The following ULK4 variants were observed in gnomAD, a reference collection of about 807,000 sequenced individuals.
ULK4 encodes the protein inactive serine/threonine-protein kinase ULK4.
Under a neutral mutation model 160.6 loss-of-function variants are expected in ULK4, and 133 were observed. The observed-to-expected ratio is 0.83, with a 90% CI of 0.72 to 0.96. The LOEUF is 0.96. Ranked by LOEUF, ULK4 falls within the 40% of genes least tolerant of loss-of-function variation. The pLI is 0.00. For synonymous variants in ULK4, 534 were observed against 539.8 expected (o/e 0.99, Z 0.15); for missense variants, 1,580 against 1,499.5 (o/e 1.05, Z -0.89).
At position 41,755,815 on chromosome 3, in the gene ULK4, G is replaced by A. The variant is rs1034263780; in HGVS notation, c.2194-1327C>T. ...AACTGGCAAAATCTGAATAAGGTCT[G>A]TAGATTAGCTAACAATACTGAATCA... is the stretch of plus-strand genomic sequence containing the variant. On this transcript the variant is annotated intron_variant, in intron 21 of 36. Coordinates refer to ENST00000301831, the MANE Select transcript of ULK4 (RefSeq NM_017886.4). Among the ~76,000 whole-genome samples, 49 of 152,218 alleles carry A rather than the reference G, an allele frequency of 3.2e-4. 1 individual carries two copies. The highest frequency in any genetic ancestry group is 1.2e-3 in the African/African-American group (49 of 41,472).
intron 32 of ULK4, among the ~76,000 whole-genome samples, chr3:41,492,091 A>G (rs905467087): frequency 6.6e-6 from 1 of 151,244 alleles, no homozygotes; most frequent in African/African-American, 2.4e-5. Context: ...ATAGTATTCC[A>G]TGGTGTATAT....
At chr3:41,708,108 T>C (rs1159715240) in intron 25 of ULK4, among the ~76,000 whole-genome samples, 1 of 151,286 alleles carries the variant, frequency 6.6e-6, no homozygotes, top group African/African-American at 2.4e-5. Context: ...CTATGAAAAT[T>C]CTTCAAAAAA....
At chr3:41,949,412 A>G (rs1381352342) in intron 2 of ULK4, among the ~76,000 whole-genome samples, 6 of 148,986 alleles carry the variant, frequency 4.0e-5, no homozygotes, top group African/African-American at 1.2e-4. Flanking sequence ...GTCCAGGTCC[A>G]ACACTTAAAG....
At chr3:41,408,540 T>C (rs1662479310) in intron 34 of ULK4, among the ~76,000 whole-genome samples, 1 of 151,010 alleles carries the variant, frequency 6.6e-6, no homozygotes, top group Non-Finnish European at 1.5e-5. Context: ...ACACTCAAAA[T>C]CGATCTATAG....
At chr3:41,773,667 A>G (rs1171253623) in intron 21 of ULK4, among the ~76,000 whole-genome samples, 1 of 152,174 alleles carries the variant, frequency 6.6e-6, no homozygotes, top group Non-Finnish European at 1.5e-5. Context: ...TATAAATTCA[A>G]TGCCATACCC....
chr3:41,781,546 A>G (rs2039841994), intron 21 of ULK4, among the ~76,000 whole-genome samples: 1 of 152,212 alleles, frequency 6.6e-6, no homozygotes, highest in Non-Finnish European at 1.5e-5. Context: ...ACAGATACAT[A>G]TAAGGTAATT....
intron 22 of ULK4, among the ~76,000 whole-genome samples, chr3:41,752,380 T>C (rs2038659371): frequency 6.6e-6 from 1 of 152,094 alleles, no homozygotes; most frequent in South Asian, 2.1e-4. Flanking sequence ...CTGGCCATAA[T>C]GGACTAACAG....
intron 35 of ULK4, among the ~76,000 whole-genome samples, chr3:41,267,634 A>G (rs1057138983): frequency 6.6e-6 from 1 of 152,182 alleles, no homozygotes; most frequent in East Asian, 1.9e-4. Flanking sequence ...TGGATGCTAA[A>G]AAGGTGACAG....
chr3:41,564,046 G>A (rs1305505545), intron 32 of ULK4, among the ~76,000 whole-genome samples: 1 of 152,084 alleles, frequency 6.6e-6, no homozygotes, highest in Non-Finnish European at 1.5e-5. Context: ...TAGGGTTTTG[G>A]TGTAGATGTC....
At chr3:41,614,938 AG>A (rs770498578) in intron 31 of ULK4, among the ~76,000 whole-genome samples, 66 of 152,146 alleles carry the variant, frequency 4.3e-4, no homozygotes, top group Admixed American at 2.8e-3. Flanking sequence ...TTACTGAGCT[AG>A]GGAGGTAAAG....
chr3:41,570,933 C>A (rs1345348668), intron 31 of ULK4, among the ~76,000 whole-genome samples: 1 of 152,198 alleles, frequency 6.6e-6, no homozygotes, highest in Non-Finnish European at 1.5e-5. Context: ...GATTATCAAA[C>A]TTCCCCACTA....
chr3:41,801,661 G>A (rs563913764), intron 19 of ULK4, among the ~76,000 whole-genome samples: 39 of 151,926 alleles, frequency 2.6e-4, no homozygotes, highest in Non-Finnish European at 4.0e-4. Context: ...ACCAGCATGG[G>A]CAACATAGCA....
At chr3:41,536,251 G>A (rs2086495302) in intron 32 of ULK4, among the ~76,000 whole-genome samples, 1 of 152,146 alleles carries the variant, frequency 6.6e-6, no homozygotes, top group Non-Finnish European at 1.5e-5. Context: ...AAAGTGATGA[G>A]TGATGAGTAT....
rs1231525213 is a variant in ULK4 at position 41,888,774 on chromosome 3, G to GT, written c.1578-4823_1578-4822insA. Among the ~76,000 whole-genome samples, 5 of 32,522 alleles carry GT rather than the reference G, an allele frequency of 1.5e-4. No individual in the cohort carries two copies. In the Non-Finnish European group the frequency reaches 1.8e-3, roughly 12 times the overall value. The allele number at this position is 32,522 out of a possible 152,430, so 21.3% of individuals were successfully genotyped here. On this transcript the variant is annotated intron_variant, in intron 16 of 36. Coordinates refer to ENST00000301831, the MANE Select transcript of ULK4 (RefSeq NM_017886.4). ...TCCTCCAGATACTGAAACAGGGAAG[G>GT]GGTAAATGAGGAAAGCCAACTCCAC...
intron 32 of ULK4, among the ~76,000 whole-genome samples, chr3:41,506,572 T>C (rs1026287222): frequency 2.6e-5 from 4 of 151,700 alleles, no homozygotes. Flanking sequence ...TTTGGAATCT[T>C]CTAAGATTTT....
intron 18 of ULK4, among the ~76,000 whole-genome samples, chr3:41,822,713 C>A (rs966383650): frequency 7.1e-6 from 1 of 140,842 alleles, no homozygotes; most frequent in Non-Finnish European, 1.5e-5. Context: ...GCCACCATGC[C>A]GGGCTGAGAT....
intron 22 of ULK4, among the ~76,000 whole-genome samples, chr3:41,745,765 TAGCAAATCAAATTC>T (rs2038398780): frequency 6.6e-6 from 1 of 151,432 alleles, no homozygotes; most frequent in Non-Finnish European, 1.5e-5. Context: ...AACAAAATAT[TAGCAAATCAAATTC>T]AGCAAAATAT....
rs560024126 is a variant in ULK4 at position 41,272,496 on chromosome 3, T to A, written c.3679-22922A>T. 3.9e-5 allele frequency among the ~76,000 whole-genome samples: 6 copies of A among 152,210 alleles called. No individual in the cohort carries two copies. The South Asian group carries it at 1.0e-3, about 26-fold the overall frequency. ...TGCCATTATCCTTTGTTCCTCTGCA[T>A]GTAATGCTTCCTTTTCCACTGGCTG... On this transcript the variant is annotated intron_variant, in intron 35 of 36. Transcript: ENST00000301831.
chr3:41,715,458 C>A lies in ULK4; in HGVS notation c.2566G>T (p.Val856Leu), dbSNP rs373340083. Residue 856 changes from valine to leucine, a missense_variant, in exon 24 of 37, where the codon GTA (valine) becomes TTA (leucine). Val to Leu is a conservative substitution (Grantham distance 32). Coordinates refer to ENST00000301831, the MANE Select transcript of ULK4 (RefSeq NM_017886.4). ...LPLMPVVLHL[V>L]TSQVFRPQVV... is the part of the protein sequence containing the mutation. ...CAATACAATAGTACCTGTGAAGTTA[C>A]GAGGTGAAGCACTACAGGCATCAGG... The A allele has an allele frequency of 7.4e-6, 12 of 1,613,956 alleles. No homozygotes were observed. Among genetic ancestry groups the A allele is most frequent in the South Asian group, 6.6e-5 (6 of 91,082 alleles).
Sources: allele counts gnomAD v4.1 joint callset (sites outside exome capture counted in the v4.1 genomes callset), GRCh38; gene constraint gnomAD v4.1.1; transcripts MANE v1.5; gene names NCBI Gene and HGNC (gene_info 2026-07-23, HGNC 2026-07-21).